The following HDLBP variants were observed in gnomAD, a reference collection of about 807,000 sequenced individuals.
The protein encoded by HDLBP is high density lipoprotein binding protein, also known as vigilin.
HDLBP carries 30 observed loss-of-function variants against 137.3 expected under a neutral mutation model. That is an observed-to-expected ratio of 0.22 (90% CI 0.16 to 0.30). HDLBP has a LOEUF of 0.30. Ranked by LOEUF, HDLBP falls within the 10% of genes least tolerant of loss-of-function variation. The pLI is 1.00. For synonymous variants in HDLBP, 606 were observed against 596.0 expected, an observed-to-expected ratio of 1.02 and a Z score of -0.24; for missense variants, 1,119 against 1,667.3, an observed-to-expected ratio of 0.67 and a Z score of 5.73.
intron 5 of HDLBP, among the ~76,000 whole-genome samples, chr2:241,258,645 CA>C: frequency 6.6e-6 from 1 of 152,224 alleles, no homozygotes; most frequent in African/African-American, 2.4e-5. Flanking sequence ...AATGTAAGAA[CA>C]CATTTACAAG....
At chr2:241,315,353 C>G (rs2076020501) in intron 1 of HDLBP, 1 of 152,234 alleles carries the variant, frequency 6.6e-6, no homozygotes, top group South Asian at 2.1e-4. Context: ...CGTCCCCCGC[C>G]CAGTCGTACT....
chr2:241,302,099 A>T (rs1402859932), intron 1 of HDLBP, among the ~76,000 whole-genome samples: 1 of 152,034 alleles, frequency 6.6e-6, no homozygotes, highest in African/African-American at 2.4e-5. Flanking sequence ...AAAAAAAAAA[A>T]AAAAATTTAA....
chr2:241,299,523 A>G (rs1172859218), intron 1 of HDLBP, among the ~76,000 whole-genome samples: 4 of 150,404 alleles, frequency 2.7e-5, no homozygotes, highest in African/African-American at 9.8e-5. Context: ...AAAAAAAAAA[A>G]AAAAAAAGAA....
At chr2:241,281,553 A>T (rs2074605137) in intron 1 of HDLBP, among the ~76,000 whole-genome samples, 1 of 152,140 alleles carries the variant, frequency 6.6e-6, no homozygotes, top group Admixed American at 6.6e-5. Context: ...GACAAATGTT[A>T]GGTCCAAAAG....
rs112710158 is a variant in HDLBP at position 241,271,586 on chromosome 2, A to G, written c.-102-3045T>C. Among the ~76,000 whole-genome samples the G allele has an allele frequency of 9.2e-5, 14 of 152,344 alleles. 1 individual carries two copies. Among genetic ancestry groups the G allele is most frequent in the African/African-American group, 2.6e-4 (11 of 41,582 alleles). Reference sequence around the variant, plus strand: ...AAGTAATTAAGTTGATTCCCTTGTGATAAGTTTTGCCAACTACATATTCAA... The same window carrying G: ...AAGTAATTAAGTTGATTCCCTTGTGGTAAGTTTTGCCAACTACATATTCAA... On this transcript the variant is annotated intron_variant, in intron 1 of 27. Coordinates refer to ENST00000310931, the MANE Select transcript of HDLBP (RefSeq NM_005336.6).
intron 1 of HDLBP, among the ~76,000 whole-genome samples, chr2:241,290,655 C>T (rs1428422223): frequency 1.3e-5 from 2 of 150,886 alleles, no homozygotes; most frequent in African/African-American, 2.4e-5. Context: ...AAAAATAAAA[C>T]GTTCCACTTC....
chr2:241,281,303 G>A (rs7579620), intron 1 of HDLBP, among the ~76,000 whole-genome samples: 17,381 of 151,892 alleles, frequency 0.11, 1,227 homozygotes, highest in Admixed American at 0.16. Flanking sequence ...GCAGTGAGCC[G>A]AGATCGCGCC....
chr2:241,252,799 C>T (rs1026185794), intron 11 of HDLBP, among the ~76,000 whole-genome samples, 158 bp downstream of exon 11: 1 of 152,186 alleles, frequency 6.6e-6, no homozygotes, highest in Non-Finnish European at 1.5e-5. Flanking sequence ...GGAAAAGTGG[C>T]CTCTTCCAGC....
At chr2:241,275,528 T>C (rs2074358555) in intron 1 of HDLBP, among the ~76,000 whole-genome samples, 1 of 152,090 alleles carries the variant, frequency 6.6e-6, no homozygotes, top group Non-Finnish European at 1.5e-5. Flanking sequence ...TTTTTTAAAA[T>C]AGCTGAGAAA....
At chr2:241,288,934 C>T (rs2149645535) in intron 1 of HDLBP, among the ~76,000 whole-genome samples, 1 of 152,270 alleles carries the variant, frequency 6.6e-6, no homozygotes, top group South Asian at 2.1e-4. Context: ...AAGTTTGACC[C>T]AGGGCAACAA....
chr2:241,259,464 T>G (rs1358293308), intron 5 of HDLBP, among the ~76,000 whole-genome samples: 1 of 152,110 alleles, frequency 6.6e-6, no homozygotes, highest in East Asian at 1.9e-4. Context: ...ACAGAAAAAC[T>G]CAGAAAAAAG....
rs531816068 is a variant in HDLBP at position 241,296,946 on chromosome 2, G to A, written c.-103+18624C>T. ...AAGAACTGGAAGAACACGAGTGTGC[G>A]TCAGCACGAAGGCAGTCATACTAAG... On this transcript the variant is annotated intron_variant, in intron 1 of 27. Coordinates refer to ENST00000310931, the MANE Select transcript of HDLBP (RefSeq NM_005336.6). 2.1e-4 allele frequency among the ~76,000 whole-genome samples: 32 copies of A among 152,358 alleles called. No homozygotes were observed. In the East Asian group the frequency reaches 2.3e-3, roughly 11 times the overall value.
intron 1 of HDLBP, chr2:241,273,775 C>A: frequency 1.8e-6 from 1 of 547,322 alleles, no homozygotes; most frequent in African/African-American, 2.1e-5. Context: ...GCACAGCCTG[C>A]AGCCAGGCCA....
chr2:241,264,158 T>C (rs909203518), intron 4 of HDLBP, among the ~76,000 whole-genome samples: 4 of 151,826 alleles, frequency 2.6e-5, no homozygotes, highest in Middle Eastern at 3.4e-3. Context: ...GGTCAGGAGA[T>C]GGAGACCATC....
chr2:241,235,177 C>A lies in HDLBP; in HGVS notation c.3088G>T (p.Ala1030Ser). Reference sequence around the variant, plus strand: ...ACACGCTCCAGCAGTCCAGCCTTGGCCCGGTCCAAATTTGCAGCGAGGCCC... The same window carrying A: ...ACACGCTCCAGCAGTCCAGCCTTGGACCGGTCCAAATTTGCAGCGAGGCCC... Reference protein sequence around the residue: ...ITGLAANLDRAKAGLLERVKE... With the variant: ...ITGLAANLDRSKAGLLERVKE... The change falls in exon 23 of 28, where the codon GCC becomes TCC. Residue 1030 changes from alanine to serine, a missense_variant. Around this residue, in one of 4 missense-constraint regions of HDLBP, gnomAD observed 618 missense variants for 816.7 expected, o/e 0.76. Coordinates refer to ENST00000310931, the MANE Select transcript of HDLBP (RefSeq NM_005336.6). 6.2e-7 allele frequency: 1 copy of A among 1,614,158 alleles called. No homozygotes were observed. Among genetic ancestry groups the A allele is most frequent in the Non-Finnish European group, 8.5e-7 (1 of 1,180,044 alleles).
intron 1 of HDLBP, among the ~76,000 whole-genome samples, chr2:241,309,792 T>G (rs1284679415): frequency 6.6e-6 from 1 of 152,182 alleles, no homozygotes; most frequent in Non-Finnish European, 1.5e-5. Flanking sequence ...AAGAGGGAAG[T>G]AAGCTCTTTT....
rs762778846 is a variant in HDLBP at position 241,235,545 on chromosome 2, C to T, written c.2954G>A (p.Arg985His). The change falls in exon 22 of 28, where the codon CGT (arginine) becomes CAT (histidine). Residue 985 changes from arginine (R) to histidine (H), a missense_variant. This residue lies in a region of HDLBP where 618 missense variants were observed against 816.7 expected (regional missense o/e 0.76). Transcript: ENST00000310931. The part of the protein sequence containing the change: ...IEVEVPFDLH[R>H]YVIGQKGSGI... ...ACTTCCTTTCTGCCCAATAACGTAA[C>T]GGTGAAGGTCAAAGGGCACCTCTAC... 7 of 1,614,048 alleles carry T rather than the reference C, an allele frequency of 4.3e-6. No individual in the cohort carries two copies. Among genetic ancestry groups the T allele is most frequent in the East Asian group, 2.2e-5 (1 of 44,882 alleles).
At chr2:241,253,095 C>T in intron 10 of HDLBP, 60 bp from the exon 11 acceptor site, 1 of 1,244,498 alleles carries the variant, frequency 8.0e-7, no homozygotes, top group Non-Finnish European at 1.2e-6. Context: ...TGAGCTGAAC[C>T]AAAACCCAGC....
At position 241,249,950 on chromosome 2, in the gene HDLBP, G is replaced by A. The variant is rs997824640; in HGVS notation, c.1403C>T (p.Ser468Phe). 2 of 1,613,174 alleles carry A rather than the reference G, an allele frequency of 1.2e-6. No individual in the cohort carries two copies. Among genetic ancestry groups the A allele is most frequent in the Non-Finnish European group, 1.7e-6 (2 of 1,179,600 alleles). ...INRIKDQYKVSVRIPPDSEKS... is the reference protein window; with the variant it reads ...INRIKDQYKVFVRIPPDSEKS... Reference sequence around the variant, plus strand: ...CTCACTGTCAGGAGGGATGCGCACGGACACCTTGTACTGGTCTTTGATTCT... The same window carrying A: ...CTCACTGTCAGGAGGGATGCGCACGAACACCTTGTACTGGTCTTTGATTCT... Residue 468 changes from serine to phenylalanine, a missense_variant, in exon 12 of 28, where the codon TCC becomes TTC. Physicochemically the swap from Ser to Phe is radical, Grantham distance 155. This residue lies in a region of HDLBP where 425 missense variants were observed against 693.9 expected (regional missense o/e 0.61). Coordinates refer to ENST00000310931, the MANE Select transcript of HDLBP (RefSeq NM_005336.6).
Sources: gnomAD v4.1 joint callset for allele counts (sites outside exome capture counted in the v4.1 genomes callset) on GRCh38, gnomAD v4.1.1 for gene constraint, gnomAD v4.1.1 regional missense constraint, MANE v1.5 for transcripts, NCBI Gene and HGNC (gene_info 2026-07-23, HGNC 2026-07-21) for gene names.